Variants in HIBADH observed in about 807,000 individuals in gnomAD.
HIBADH encodes the protein 3-hydroxyisobutyrate dehydrogenase, also known as 3-hydroxyisobutyrate dehydrogenase, mitochondrial.
Under a neutral mutation model 36.1 loss-of-function variants are expected in HIBADH, and 25 were observed. That is an observed-to-expected ratio of 0.69 (90% CI 0.50 to 0.97). HIBADH has a LOEUF of 0.97. Among genes scored for constraint, HIBADH ranks in the 50% least tolerant of loss-of-function variants. HIBADH has a pLI of 0.00. For synonymous variants in HIBADH, 160 were observed against 149.5 expected, an observed-to-expected ratio of 1.07 and a Z score of -0.51; for missense variants, 421 against 418.0, an observed-to-expected ratio of 1.01 and a Z score of -0.06.
chr7:27,646,669 C>T (rs1462466809), intron 2 of HIBADH, among the ~76,000 whole-genome samples: 8 of 149,546 alleles, frequency 5.3e-5, no homozygotes, highest in Non-Finnish European at 8.9e-5. Flanking sequence ...GGACTACAGG[C>T]ACACACAACC....
At chr7:27,613,134 TTATA>T (rs1467997318) in intron 4 of HIBADH, among the ~76,000 whole-genome samples, 3 of 123,170 alleles carry the variant, frequency 2.4e-5, no homozygotes, top group Non-Finnish European at 5.0e-5. Flanking sequence ...TTATATATAT[TTATA>T]TAAATATATT....
intron 4 of HIBADH, among the ~76,000 whole-genome samples, chr7:27,560,310 G>A (rs2128186690): frequency 6.6e-6 from 1 of 152,300 alleles, no homozygotes; most frequent in African/African-American, 2.4e-5. Context: ...GTAGAGACGG[G>A]GTTTCGCCAT....
intron 2 of HIBADH, among the ~76,000 whole-genome samples, chr7:27,641,098 A>G (rs2128295822): frequency 6.6e-6 from 1 of 152,314 alleles, no homozygotes; most frequent in Non-Finnish European, 1.5e-5. Flanking sequence ...AAGCAAAGAG[A>G]AAAGAAAAGA....
At chr7:27,527,152 G>C (rs1052851269) in intron 7 of HIBADH, among the ~76,000 whole-genome samples, 2 of 151,996 alleles carry the variant, frequency 1.3e-5, no homozygotes, top group Admixed American at 6.6e-5. Flanking sequence ...AAGGAGAGGG[G>C]GATGGGAAAG....
At chr7:27,618,323 T>C (rs765185061) in intron 4 of HIBADH, among the ~76,000 whole-genome samples, 11 of 152,218 alleles carry the variant, frequency 7.2e-5, no homozygotes, top group Admixed American at 6.5e-4. Context: ...TACACCACTC[T>C]GTATAGCATG....
chr7:27,610,186 AT>A (rs1014360148), intron 4 of HIBADH, among the ~76,000 whole-genome samples: 3 of 152,170 alleles, frequency 2.0e-5, no homozygotes, highest in African/African-American at 7.2e-5. Flanking sequence ...GAGATGAATT[AT>A]TTTACCAAAA....
At chr7:27,527,755 C>CTTT (rs10629006) in intron 7 of HIBADH, among the ~76,000 whole-genome samples, 11 of 132,068 alleles carry the variant, frequency 8.3e-5, no homozygotes, top group Admixed American at 3.1e-4. Flanking sequence ...CAATCAGTAA[C>CTTT]TTTTTTTTTT....
chr7:27,572,937 T>C (rs1412706175), intron 4 of HIBADH, among the ~76,000 whole-genome samples: 1 of 152,112 alleles, frequency 6.6e-6, no homozygotes, highest in East Asian at 1.9e-4. Context: ...ATCACATTCA[T>C]TTGGGGCATA....
chr7:27,652,426 T>G (rs1165695176), intron 1 of HIBADH, among the ~76,000 whole-genome samples: 1 of 152,168 alleles, frequency 6.6e-6, no homozygotes, highest in Non-Finnish European at 1.5e-5. Context: ...AGATGAGACT[T>G]ACACTTTAGG....
At chr7:27,589,848 T>C (rs1784915393) in intron 4 of HIBADH, among the ~76,000 whole-genome samples, 1 of 152,100 alleles carries the variant, frequency 6.6e-6, no homozygotes, top group South Asian at 2.1e-4. Flanking sequence ...AACTAGTAAG[T>C]GACCTACATT....
chr7:27,649,870 A>C (rs1313074096), intron 1 of HIBADH, among the ~76,000 whole-genome samples: 2 of 151,832 alleles, frequency 1.3e-5, no homozygotes, highest in Non-Finnish European at 2.9e-5. Flanking sequence ...CCATCTCAAA[A>C]ATAAATAATA....
chr7:27,610,618 A>G (rs1442333658), intron 4 of HIBADH, among the ~76,000 whole-genome samples: 2 of 152,192 alleles, frequency 1.3e-5, no homozygotes, highest in Non-Finnish European at 2.9e-5. Context: ...AGTATCAAAA[A>G]AAGACCTATT....
intron 4 of HIBADH, among the ~76,000 whole-genome samples, chr7:27,552,591 GCAGA>G (rs980792609): frequency 2.1e-4 from 32 of 152,132 alleles, no homozygotes; most frequent in African/African-American, 7.5e-4. Context: ...TTTACATAAC[GCAGA>G]CAGTCTTTTC....
chr7:27,555,557 C>T (rs1193277892), intron 4 of HIBADH, among the ~76,000 whole-genome samples: 1 of 152,014 alleles, frequency 6.6e-6, no homozygotes, highest in Admixed American at 6.6e-5. Flanking sequence ...GTCCAAACAC[C>T]TTTTGTCCCC....
chr7:27,549,290 AGTAT>A (rs1784280582), intron 4 of HIBADH, among the ~76,000 whole-genome samples: 1 of 152,246 alleles, frequency 6.6e-6, no homozygotes, highest in Non-Finnish European at 1.5e-5. Flanking sequence ...TCACAAAAAT[AGTAT>A]GTGAGGTAAT....
At chr7:27,557,570 A>C (rs1029686781) in intron 4 of HIBADH, among the ~76,000 whole-genome samples, 7 of 152,180 alleles carry the variant, frequency 4.6e-5, no homozygotes, top group African/African-American at 1.7e-4. Flanking sequence ...CAACAGGTTC[A>C]GTTGTCTGGT....
intron 1 of HIBADH, among the ~76,000 whole-genome samples, chr7:27,659,118 T>C (rs887054965): frequency 6.6e-6 from 1 of 152,246 alleles, no homozygotes; most frequent in Non-Finnish European, 1.5e-5. Flanking sequence ...CCAATAATAT[T>C]AAAAATTGTA....
Position 27,662,796 on chromosome 7 carries a change from C to T in HIBADH, c.-8G>A. On this transcript the variant is annotated 5_prime_UTR_variant, in exon 1 of 8. Transcript: ENST00000265395. ...CCGTAAGGAGGCTGCCATGCTGCGC[C>T]CGCCCCTCTCCCCGCGGTGACCTCC... The T allele has an allele frequency of 1.4e-6, 2 of 1,469,500 alleles. No individual in the cohort carries two copies. The highest frequency in any genetic ancestry group is 1.3e-5 in the South Asian group (1 of 76,334). 91.0% of individuals were successfully genotyped at this position (1,469,500 alleles called of 1,614,324 possible). A position where few individuals can be genotyped will look rare whatever the true frequency, so the allele number is the denominator to read the frequency against.
chr7:27,625,788 G>T (rs1456899695), intron 4 of HIBADH, among the ~76,000 whole-genome samples: 1 of 152,070 alleles, frequency 6.6e-6, no homozygotes, highest in African/African-American at 2.4e-5. Flanking sequence ...AATATAGCGT[G>T]ATGTGGGCTC....
Sources: gnomAD v4.1 joint callset for allele counts (sites outside exome capture counted in the v4.1 genomes callset) on GRCh38, gnomAD v4.1.1 for gene constraint, MANE v1.5 for transcripts, NCBI Gene and HGNC (gene_info 2026-07-23, HGNC 2026-07-21) for gene names.